The following PCDHA10 variants were observed in gnomAD, a reference collection of about 807,000 sequenced individuals.
The protein encoded by PCDHA10 is protocadherin alpha-10.
In PCDHA10, 45 loss-of-function variants were observed where a neutral mutation model predicts 61.2. The observed-to-expected ratio is 0.74, with a 90% CI of 0.58 to 0.94. The LOEUF (loss-of-function observed/expected upper bound fraction) is 0.94. Among genes scored for constraint, PCDHA10 ranks in the 40% least tolerant of loss-of-function variants. The pLI, the probability that PCDHA10 is intolerant of heterozygous loss-of-function variation, is 0.00. For missense variants in PCDHA10, 1,278 were observed against 1,236.2 expected, an observed-to-expected ratio of 1.03 and a Z score of -0.51; for synonymous variants, 602 against 548.8, an observed-to-expected ratio of 1.10 and a Z score of -1.35.
At chr5:140,861,304 A>G (rs1581606834) in intron 1 of PCDHA10, 1 of 189,694 alleles carries the variant, frequency 5.3e-6, no homozygotes, top group Non-Finnish European at 1.1e-5. Context: ...GTGAAGCGGG[A>G]AAGGACCAGT....
chr5:140,967,997 C>T (rs551685820), intron 1 of PCDHA10: 1 of 1,614,102 alleles, frequency 6.2e-7, no homozygotes, highest in Non-Finnish European at 8.5e-7. Flanking sequence ...ACTGCCTTTC[C>T]GACTGAATGG....
chr5:140,880,327 T>C (rs2058305796), intron 1 of PCDHA10, among the ~76,000 whole-genome samples: 1 of 152,118 alleles, frequency 6.6e-6, no homozygotes, highest in African/African-American at 2.4e-5. Context: ...AATAAGATAC[T>C]AAAAATAAGA....
chr5:140,959,642 A>G (rs1352450996), intron 1 of PCDHA10, among the ~76,000 whole-genome samples: 7 of 152,230 alleles, frequency 4.6e-5, no homozygotes, highest in African/African-American at 1.7e-4. Flanking sequence ...GAAAAAACAC[A>G]GAAGCAAAAT....
At chr5:140,993,337 G>A (rs2097550534) in intron 3 of PCDHA10, among the ~76,000 whole-genome samples, 1 of 151,924 alleles carries the variant, frequency 6.6e-6, no homozygotes, top group African/African-American at 2.4e-5. Context: ...GTGATTTGAA[G>A]GGCACTACGA....
chr5:140,917,952 GA>G (rs1180047836), intron 1 of PCDHA10, among the ~76,000 whole-genome samples: 1 of 152,002 alleles, frequency 6.6e-6, no homozygotes, highest in Non-Finnish European at 1.5e-5. Flanking sequence ...AGTTTGATAG[GA>G]ACATCATTGA....
chr5:140,876,650 T>G lies in PCDHA10; in HGVS notation c.2388+18214T>G, dbSNP rs782068706. 4 of 1,614,162 alleles carry G rather than the reference T, an allele frequency of 2.5e-6. No individual in the cohort carries two copies. In the South Asian group the frequency reaches 4.4e-5, roughly 18 times the overall value. ...GTCATCTGCTCACTGACACCTCATG[T>G]TCCCTTCAAGCTGGTGTCCACCTAC... On this transcript the variant is annotated intron_variant, in intron 1 of 3. Transcript: ENST00000307360.
intron 3 of PCDHA10, among the ~76,000 whole-genome samples, chr5:141,002,971 T>C (rs138459473): frequency 6.6e-6 from 1 of 152,274 alleles, no homozygotes; most frequent in African/African-American, 2.4e-5. Flanking sequence ...TTCCTGAAAA[T>C]AGTATCCTTG....
At chr5:140,999,755 A>G (rs932293037) in intron 3 of PCDHA10, among the ~76,000 whole-genome samples, 1 of 152,168 alleles carries the variant, frequency 6.6e-6, no homozygotes, top group South Asian at 2.1e-4. Context: ...TTCGCAGCAC[A>G]TGATGTCTTT....
intron 1 of PCDHA10, chr5:140,882,108 A>G: frequency 7.3e-7 from 1 of 1,370,912 alleles, no homozygotes; most frequent in Non-Finnish European, 9.8e-7. Flanking sequence ...TCCGCGAAGA[A>G]AGCCGCCGTT....
intron 1 of PCDHA10, chr5:140,871,241 C>T (rs782602807): frequency 2.5e-6 from 4 of 1,613,972 alleles, no homozygotes; most frequent in Admixed American, 1.7e-5. Flanking sequence ...CTGGTACTCA[C>T]GCTGCTGCTG....
intron 1 of PCDHA10, among the ~76,000 whole-genome samples, chr5:140,873,067 TATC>T (rs2054071448): frequency 1.3e-5 from 2 of 152,218 alleles, no homozygotes; most frequent in Admixed American, 1.3e-4. Flanking sequence ...TTGAGAATCA[TATC>T]TAGCTATTTC....
intron 1 of PCDHA10, among the ~76,000 whole-genome samples, chr5:140,940,808 T>C (rs781904662): frequency 3.3e-5 from 5 of 152,232 alleles, no homozygotes; most frequent in Non-Finnish European, 7.3e-5. Context: ...TGCCAGGATA[T>C]CCTGAGATCT....
intron 1 of PCDHA10, among the ~76,000 whole-genome samples, chr5:140,948,500 T>C (rs1482428616): frequency 6.6e-6 from 1 of 151,662 alleles, no homozygotes; most frequent in Non-Finnish European, 1.5e-5. Context: ...TCATAGACTT[T>C]CTATTAAAAA....
chr5:140,882,628 G>A (rs1554174947), intron 1 of PCDHA10: 9 of 1,614,252 alleles, frequency 5.6e-6, no homozygotes, highest in Non-Finnish European at 7.6e-6. Flanking sequence ...TCCATGTGGA[G>A]GTGAAGGTGA....
chr5:140,922,564 A>G (rs556829032), intron 1 of PCDHA10, among the ~76,000 whole-genome samples: 1 of 152,358 alleles, frequency 6.6e-6, no homozygotes, highest in South Asian at 2.1e-4. Context: ...AGTCAGGATG[A>G]CAAGTTGCCC....
Position 140,856,276 on chromosome 5 carries a change from A to C in PCDHA10, c.228A>C (p.Val76=), listed in dbSNP as rs1554148470. Residue 76 remains valine, a synonymous_variant, in exon 1 of 4, where the codon GTA becomes GTC. Transcript: ENST00000307360. ...ASKRHGDLLE[V]NLQNGILFVN... ...AAAGACACGGGGACCTTCTGGAGGT[A>C]AATCTGCAGAATGGCATTTTGTTTG... is the stretch of plus-strand genomic sequence containing the variant. 6.3e-7 allele frequency: 1 copy of C among 1,598,372 alleles called. No individual in the cohort carries two copies. The highest frequency in any genetic ancestry group is 1.7e-5 in the Admixed American group (1 of 59,282).
chr5:140,916,227 C>T (rs1554197349), intron 1 of PCDHA10, among the ~76,000 whole-genome samples: 2 of 152,208 alleles, frequency 1.3e-5, no homozygotes, highest in African/African-American at 4.8e-5. Context: ...AATATGCTTT[C>T]CAGGAGCCAA....
At chr5:140,863,313 G>C (rs782656693) in intron 1 of PCDHA10, 5 of 1,460,034 alleles carry the variant, frequency 3.4e-6, no homozygotes, top group Non-Finnish European at 4.6e-6. Flanking sequence ...TCTGCGTGGT[G>C]TCCAGCCTGT....
At chr5:140,868,200 T>G (rs1280989116) in intron 1 of PCDHA10, 4 of 152,156 alleles carry the variant, frequency 2.6e-5, no homozygotes, top group African/African-American at 9.6e-5. Flanking sequence ...ATGGCTTACA[T>G]TAGAAATAAT....
Sources: gnomAD v4.1 joint callset for allele counts (sites outside exome capture counted in the v4.1 genomes callset) on GRCh38, gnomAD v4.1.1 for gene constraint, MANE v1.5 for transcripts, NCBI Gene and HGNC (gene_info 2026-07-23, HGNC 2026-07-21) for gene names.